Variants in CENPP observed in about 807,000 individuals in gnomAD.
CENPP encodes centromere protein P.
CENPP carries 24 observed loss-of-function variants against 35.6 expected under a neutral mutation model. The ratio of observed to expected loss-of-function variants is 0.67; its 90% CI spans 0.49 to 0.95. The LOEUF (loss-of-function observed/expected upper bound fraction) is 0.95. Among genes scored for constraint, CENPP ranks in the 40% least tolerant of loss-of-function variants. The pLI, the probability that CENPP is intolerant of heterozygous loss-of-function variation, is 0.00. For missense variants in CENPP, 332 were observed against 345.3 expected (o/e 0.96, Z 0.31); for synonymous variants, 120 against 125.5 (o/e 0.96, Z 0.29).
intron 5 of CENPP, among the ~76,000 whole-genome samples, chr9:92,431,001 G>A (rs527603405): frequency 6.6e-6 from 1 of 151,868 alleles, no homozygotes; most frequent in Non-Finnish European, 1.5e-5. Context: ...TCACCATGTC[G>A]GCCAGGATGG....
intron 5 of CENPP, chr9:92,464,731 G>C: frequency 1.4e-6 from 1 of 692,136 alleles, no homozygotes; most frequent in Non-Finnish European, 2.6e-6. Context: ...AAAAATTGTG[G>C]CTTAATTCTG....
chr9:92,431,953 T>C (rs72752483), intron 5 of CENPP, among the ~76,000 whole-genome samples: 4,708 of 152,336 alleles, frequency 0.031, 114 homozygotes, highest in South Asian at 0.083. Context: ...AACCTCTTGC[T>C]AGTTATACCT....
At chr9:92,412,059 ATAATT>A (rs1194540625) in intron 5 of CENPP, among the ~76,000 whole-genome samples, 2 of 152,066 alleles carry the variant, frequency 1.3e-5, no homozygotes, top group African/African-American at 2.4e-5. Context: ...TTTAAAGTAT[ATAATT>A]TAATTAATGA....
intron 5 of CENPP, chr9:92,401,333 C>T: frequency 2.0e-6 from 1 of 499,292 alleles, no homozygotes; most frequent in South Asian, 3.4e-5. Context: ...TCCATTTTAT[C>T]ATCTATTAAA....
Position 92,616,059 on chromosome 9 carries a change from T to C in CENPP, c.*2910T>C. 1 of 1,610,782 alleles carries C rather than the reference T, an allele frequency of 6.2e-7. No homozygotes were observed. Among genetic ancestry groups the C allele is most frequent in the Non-Finnish European group, 8.5e-7 (1 of 1,177,658 alleles). ...GGGACGACAGGCCTTTGATCAGAGCTGCAAGTAAAAAGTACCATTTCAGGA... is the reference window on the plus strand; with the variant it reads ...GGGACGACAGGCCTTTGATCAGAGCCGCAAGTAAAAAGTACCATTTCAGGA... On this transcript the variant is annotated 3_prime_UTR_variant, in exon 8 of 8. Transcript: ENST00000375587.
chr9:92,494,212 C>T, intron 5 of CENPP: 1 of 1,533,094 alleles, frequency 6.5e-7, no homozygotes, highest in Admixed American at 1.7e-5. Context: ...CTGTGTCATC[C>T]CAAGATGCTA....
intron 3 of CENPP, among the ~76,000 whole-genome samples, chr9:92,341,129 C>T (rs890917688): frequency 2.0e-5 from 3 of 152,070 alleles, no homozygotes; most frequent in East Asian, 1.9e-4. Context: ...TCTCCCATAG[C>T]GCTCCCAGGC....
chr9:92,560,571 A>T (rs996841996), intron 5 of CENPP, among the ~76,000 whole-genome samples: 2 of 152,214 alleles, frequency 1.3e-5, no homozygotes, highest in African/African-American at 4.8e-5. Context: ...AATCAGGAGC[A>T]TGGCAGTTTA....
intron 5 of CENPP, among the ~76,000 whole-genome samples, chr9:92,584,457 T>C (rs940818020): frequency 4.3e-4 from 65 of 152,194 alleles, no homozygotes; most frequent in African/African-American, 1.4e-3. Context: ...CAAACAGTCC[T>C]CCCACCTTAG....
chr9:92,498,223 A>G (rs966759839), intron 5 of CENPP, among the ~76,000 whole-genome samples: 8 of 152,214 alleles, frequency 5.3e-5, no homozygotes, highest in Admixed American at 3.9e-4. Flanking sequence ...TTTTGTTTGC[A>G]AAAATAAATA....
At chr9:92,390,587 T>TGTGTGTGTGTGTGTGTGCGC (rs749697394) in intron 5 of CENPP, among the ~76,000 whole-genome samples, 7 of 141,814 alleles carry the variant, frequency 4.9e-5, no homozygotes, top group Non-Finnish European at 9.5e-5. Context: ...TGTGTGTGTG[T>TGTGTGTGTGTGTGTGTGCGC]GCGCGCGCGC....
chr9:92,517,776 ACT>A, intron 5 of CENPP: 1 of 1,614,132 alleles, frequency 6.2e-7, no homozygotes, highest in Non-Finnish European at 8.5e-7. Context: ...ATCACAAAGA[ACT>A]CTTCCATCTG....
chr9:92,601,433 T>C (rs1320626908), intron 5 of CENPP, among the ~76,000 whole-genome samples: 1 of 152,090 alleles, frequency 6.6e-6, no homozygotes, highest in Non-Finnish European at 1.5e-5. Flanking sequence ...CGGCGGTTAG[T>C]TGTTACTTCA....
chr9:92,500,707 T>A, intron 5 of CENPP: 4 of 1,592,086 alleles, frequency 2.5e-6, no homozygotes, highest in Non-Finnish European at 3.4e-6. Flanking sequence ...AAACAGATAC[T>A]TGAAAAAGCC....
intron 5 of CENPP, among the ~76,000 whole-genome samples, chr9:92,586,705 C>A (rs1261805623): frequency 1.3e-5 from 2 of 151,090 alleles, no homozygotes; most frequent in African/African-American, 4.9e-5. Flanking sequence ...TTTTTATTTT[C>A]TTTGATCTCC....
intron 5 of CENPP, among the ~76,000 whole-genome samples, chr9:92,569,563 G>A (rs185728788): frequency 1.2e-3 from 177 of 152,204 alleles, no homozygotes; most frequent in African/African-American, 3.9e-3. Context: ...GGAAATGCGG[G>A]CTCTTTTTTG....
intron 5 of CENPP, among the ~76,000 whole-genome samples, chr9:92,594,892 C>CTTTTTT (rs1213825480): frequency 1.1e-3 from 119 of 105,016 alleles, no homozygotes; most frequent in East Asian, 2.9e-3. Flanking sequence ...GGTTGCTCTT[C>CTTTTTT]TTTTTTTTTT....
chr9:92,453,945 G>A (rs528201053), intron 5 of CENPP, among the ~76,000 whole-genome samples: 2 of 151,228 alleles, frequency 1.3e-5, no homozygotes, highest in Admixed American at 1.3e-4. Flanking sequence ...TTTGTGGAAA[G>A]ACCTCATCTC....
intron 2 of CENPP, among the ~76,000 whole-genome samples, chr9:92,336,106 C>T (rs1422374947): frequency 6.6e-6 from 1 of 152,200 alleles, no homozygotes; most frequent in African/African-American, 2.4e-5. Flanking sequence ...TCTTCTCTGT[C>T]TCTTACGACA....
Sources: allele counts gnomAD v4.1 joint callset (sites outside exome capture counted in the v4.1 genomes callset), GRCh38; gene constraint gnomAD v4.1.1; transcripts MANE v1.5; gene names NCBI Gene and HGNC (gene_info 2026-07-23, HGNC 2026-07-21).